The following ELAPOR2 variants were observed in gnomAD, a reference collection of about 807,000 sequenced individuals.
ELAPOR2 encodes endosome/lysosome-associated apoptosis and autophagy regulator family member 2.
A neutral mutation model predicts 120.7 loss-of-function variants in ELAPOR2; 89 were observed. The ratio of observed to expected loss-of-function variants is 0.74; its 90% CI spans 0.62 to 0.88. ELAPOR2 has a LOEUF of 0.88. Ranked by LOEUF, ELAPOR2 falls within the 40% of genes least tolerant of loss-of-function variation. The probability of loss-of-function intolerance (pLI) is 0.00; values close to 1 mark genes in which losing one functional copy is unlikely to be tolerated. For missense variants in ELAPOR2, 1,134 were observed against 1,251.6 expected (o/e 0.91, Z 1.42); for synonymous variants, 444 against 444.9 (o/e 1.00, Z 0.03).
Position 86,912,959 on chromosome 7 carries a change from A to G in ELAPOR2, c.1977T>C (p.Pro659=), listed in dbSNP as rs1233994230. 6.2e-7 allele frequency: 1 copy of G among 1,613,920 alleles called. No homozygotes were observed. Among genetic ancestry groups the G allele is most frequent in the African/African-American group, 1.3e-5 (1 of 74,920 alleles). The change falls in exon 14 of 22, where the codon CCT becomes CCC. Residue 659 remains proline, a synonymous_variant. Transcript: ENST00000450689. ...CACTTACCTGATTGTTTTTACTCCC[A>G]GGCCCGCATGGAATACAAGCCTCTT... ...YGKEACIPCG[P]GSKNNQDHSV...
chr7:87,026,981 TATA>T (rs1188996877), intron 1 of ELAPOR2, among the ~76,000 whole-genome samples: 1 of 152,120 alleles, frequency 6.6e-6, no homozygotes, highest in Non-Finnish European at 1.5e-5. Flanking sequence ...AGCCAATTTC[TATA>T]ATATTTTTCT....
Position 86,938,216 on chromosome 7 carries a change from T to G in ELAPOR2, c.1001-2A>C. ...CTGTACACTCACTGGATCCTTCCTC[T>G]GCAACATAAAAAAAGCGTTTCAGAA... On this transcript the variant is annotated splice_acceptor_variant, in intron 7 of 21. Coordinates refer to ENST00000450689, the MANE Select transcript of ELAPOR2 (RefSeq NM_001142749.3). LOFTEE classifies it high-confidence loss of function. 1 of 1,546,878 alleles carries G rather than the reference T, an allele frequency of 6.5e-7. No homozygotes were observed. Among genetic ancestry groups the G allele is most frequent in the Non-Finnish European group, 8.7e-7 (1 of 1,143,960 alleles).
At chr7:87,017,206 T>C (rs1336962406) in intron 1 of ELAPOR2, among the ~76,000 whole-genome samples, 1 of 152,222 alleles carries the variant, frequency 6.6e-6, no homozygotes, top group African/African-American at 2.4e-5. Context: ...AAAAATTAGA[T>C]ACACTCCATT....
In ELAPOR2 at chr7:87,030,235, T is replaced by C. The variant is rs181243228; in HGVS notation, c.189+29090A>G. Among the ~76,000 whole-genome samples the C allele has an allele frequency of 5.3e-3, 812 of 152,256 alleles. 7 individuals carry two copies. The highest frequency in any genetic ancestry group is 0.02 in the Middle Eastern group (6 of 294). ...GGTGATCACCTACTGCTACAAAAGATGGATTCTAAGACGAGATAAGCCTAA... is the reference window on the plus strand; with the variant it reads ...GGTGATCACCTACTGCTACAAAAGACGGATTCTAAGACGAGATAAGCCTAA... On this transcript the variant is annotated intron_variant, in intron 1 of 21. Transcript: ENST00000450689.
intron 15 of ELAPOR2, among the ~76,000 whole-genome samples, chr7:86,911,437 G>A (rs1444239950): frequency 2.6e-5 from 4 of 152,040 alleles, no homozygotes; most frequent in Admixed American, 2.6e-4. Context: ...GTGACATGGA[G>A]GAAATGCCTT....
At chr7:87,028,401 C>A (rs765092088) in intron 1 of ELAPOR2, among the ~76,000 whole-genome samples, 2 of 152,058 alleles carry the variant, frequency 1.3e-5, no homozygotes, top group Non-Finnish European at 2.9e-5. Flanking sequence ...TCTGGGACAC[C>A]ATCGTCCATT....
chr7:87,055,495 GAAC>G (rs1795233718), intron 1 of ELAPOR2, among the ~76,000 whole-genome samples: 1 of 152,120 alleles, frequency 6.6e-6, no homozygotes, highest in African/African-American at 2.4e-5. Flanking sequence ...ACTTCAGTTA[GAAC>G]CAATTACAAT....
chr7:87,017,340 G>A (rs895103355), intron 1 of ELAPOR2, among the ~76,000 whole-genome samples: 3 of 152,184 alleles, frequency 2.0e-5, no homozygotes, highest in South Asian at 4.1e-4. Context: ...AATGATCAAC[G>A]ATGGGGAACT....
At chr7:86,963,666 C>A (rs956571879) in intron 2 of ELAPOR2, among the ~76,000 whole-genome samples, 1 of 152,172 alleles carries the variant, frequency 6.6e-6, no homozygotes, top group African/African-American at 2.4e-5. Context: ...TTTTTCTAGG[C>A]AAGTGACTGA....
chr7:86,954,805 T>A (rs1791404633), intron 2 of ELAPOR2, among the ~76,000 whole-genome samples: 2 of 152,124 alleles, frequency 1.3e-5, no homozygotes, highest in Admixed American at 1.3e-4. Context: ...AGCCCATATG[T>A]CTATTTTTCT....
intron 1 of ELAPOR2, among the ~76,000 whole-genome samples, chr7:86,970,058 G>GGTGA (rs1412838679): frequency 6.6e-6 from 1 of 152,150 alleles, no homozygotes; most frequent in Non-Finnish European, 1.5e-5. Context: ...TGGATGAATA[G>GGTGA]GTGAGTGAGT....
At chr7:86,905,482 C>A (rs1392769467) in intron 18 of ELAPOR2, among the ~76,000 whole-genome samples, 2 of 152,054 alleles carry the variant, frequency 1.3e-5, no homozygotes, top group Non-Finnish European at 2.9e-5. Flanking sequence ...TCAAGCAGCT[C>A]CCTAAAGTAG....
intron 1 of ELAPOR2, among the ~76,000 whole-genome samples, chr7:87,057,874 A>T (rs1244167496): frequency 6.6e-6 from 1 of 152,216 alleles, no homozygotes; most frequent in Non-Finnish European, 1.5e-5. Context: ...TATATTCTGC[A>T]TATTAGAAGT....
chr7:86,976,090 C>G (rs924461623), intron 1 of ELAPOR2, among the ~76,000 whole-genome samples: 5 of 152,116 alleles, frequency 3.3e-5, no homozygotes, highest in African/African-American at 1.2e-4. Flanking sequence ...ACGGCCAGCA[C>G]CAGCTTAGAA....
chr7:87,036,235 A>C (rs915099537), intron 1 of ELAPOR2, among the ~76,000 whole-genome samples: 1 of 152,178 alleles, frequency 6.6e-6, no homozygotes. Context: ...GTACTTTGGG[A>C]GGCTGAGGTG....
At chr7:86,961,233 A>G (rs1371447846) in intron 2 of ELAPOR2, among the ~76,000 whole-genome samples, 2 of 152,216 alleles carry the variant, frequency 1.3e-5, no homozygotes, top group Non-Finnish European at 2.9e-5. Context: ...TCCTAAATTA[A>G]AGATATCTTA....
At chr7:87,041,931 T>C (rs1422446239) in intron 1 of ELAPOR2, among the ~76,000 whole-genome samples, 2 of 151,642 alleles carry the variant, frequency 1.3e-5, no homozygotes, top group Non-Finnish European at 2.9e-5. Context: ...ACCAAGCAAA[T>C]GGAAGACAAA....
intron 19 of ELAPOR2, among the ~76,000 whole-genome samples, chr7:86,894,420 C>T (rs890067121): frequency 6.6e-6 from 1 of 151,920 alleles, no homozygotes; most frequent in African/African-American, 2.4e-5. Flanking sequence ...GACTTTATTT[C>T]AAGTGCATTC....
intron 1 of ELAPOR2, among the ~76,000 whole-genome samples, chr7:87,018,234 T>G (rs553960349): frequency 2.0e-5 from 3 of 152,010 alleles, no homozygotes; most frequent in African/African-American, 7.2e-5. Context: ...AGAGACAGGA[T>G]TTCACCATCT....
Sources: gnomAD v4.1 joint callset for allele counts (sites outside exome capture counted in the v4.1 genomes callset) on GRCh38, gnomAD v4.1.1 for gene constraint, MANE v1.5 for transcripts, NCBI Gene and HGNC (gene_info 2026-07-23, HGNC 2026-07-21) for gene names.